Variants in HOMER1 observed in about 807,000 individuals in gnomAD.
The protein encoded by HOMER1 is homer scaffold protein 1.
Under a neutral mutation model 48.9 loss-of-function variants are expected in HOMER1, and 3 were observed. The ratio of observed to expected loss-of-function variants is 0.06; its 90% CI spans 0.03 to 0.16. The LOEUF is 0.16. Among genes scored for constraint, HOMER1 ranks in the 10% least tolerant of loss-of-function variants. The pLI is 1.00. For synonymous variants in HOMER1, 134 were observed against 146.4 expected, an observed-to-expected ratio of 0.92 and a Z score of 0.61; for missense variants, 247 against 411.4, an observed-to-expected ratio of 0.60 and a Z score of 3.46.
At chr5:79,504,016 C>T (rs921762417) in intron 1 of HOMER1, among the ~76,000 whole-genome samples, 1 of 152,182 alleles carries the variant, frequency 6.6e-6, no homozygotes, top group Non-Finnish European at 1.5e-5. Context: ...TCTATTTCCA[C>T]TATACTAACA....
chr5:79,425,256 A>T (rs1190422876), intron 5 of HOMER1, among the ~76,000 whole-genome samples: 2 of 152,034 alleles, frequency 1.3e-5, no homozygotes, highest in Non-Finnish European at 2.9e-5. Context: ...GTAGGAAAAA[A>T]AAAAAATCTA....
intron 8 of HOMER1, among the ~76,000 whole-genome samples, chr5:79,380,350 A>G (rs968752995): frequency 6.6e-6 from 1 of 152,162 alleles, no homozygotes; most frequent in Non-Finnish European, 1.5e-5. Context: ...CCCACCTCCA[A>G]TAAACTGCAG....
chr5:79,380,614 C>T (rs1044336671), intron 8 of HOMER1, among the ~76,000 whole-genome samples: 10 of 152,194 alleles, frequency 6.6e-5, no homozygotes, highest in East Asian at 5.8e-4. Context: ...GGGATTGCCC[C>T]GCCCCTACCT....
chr5:79,507,142 G>A (rs1752796572), intron 1 of HOMER1, among the ~76,000 whole-genome samples: 3 of 148,922 alleles, frequency 2.0e-5, no homozygotes, highest in African/African-American at 7.4e-5. Context: ...GAACCCGGGA[G>A]GCGGAGGTTG....
intron 5 of HOMER1, among the ~76,000 whole-genome samples, chr5:79,432,901 C>G (rs1377708902): frequency 6.6e-6 from 1 of 152,066 alleles, no homozygotes; most frequent in East Asian, 1.9e-4. Context: ...ATATTCCTTG[C>G]CTTCAAATTA....
intron 5 of HOMER1, among the ~76,000 whole-genome samples, chr5:79,408,738 C>T (rs1749735272): frequency 6.6e-6 from 1 of 152,108 alleles, no homozygotes; most frequent in Non-Finnish European, 1.5e-5. Context: ...ATTAAAAAAA[C>T]TGATCACAGG....
At chr5:79,493,174 T>A (rs1284730762) in intron 1 of HOMER1, among the ~76,000 whole-genome samples, 1 of 152,100 alleles carries the variant, frequency 6.6e-6, no homozygotes, top group Non-Finnish European at 1.5e-5. Context: ...TGTCTCAGCC[T>A]CCCAAAGTGC....
chr5:79,442,995 C>T (rs955439533), intron 4 of HOMER1, among the ~76,000 whole-genome samples: 11 of 152,148 alleles, frequency 7.2e-5, no homozygotes, highest in South Asian at 6.2e-4. Flanking sequence ...GCTCTTCCTT[C>T]GCTATGTAAA....
intron 2 of HOMER1, 52 bp downstream of exon 2, chr5:79,456,810 C>G: frequency 6.6e-7 from 1 of 1,526,160 alleles, no homozygotes; most frequent in Non-Finnish European, 9.0e-7. Flanking sequence ...ACTAAAATGT[C>G]ATACTGAAAA....
chr5:79,496,807 G>C (rs1346096461), intron 1 of HOMER1, among the ~76,000 whole-genome samples: 1 of 152,120 alleles, frequency 6.6e-6, no homozygotes, highest in Non-Finnish European at 1.5e-5. Flanking sequence ...GCTCATGCCT[G>C]TAATTCCAGC....
At chr5:79,429,314 G>A (rs28870409) in intron 5 of HOMER1, among the ~76,000 whole-genome samples, 40,235 of 152,136 alleles carry the variant, frequency 0.26, 5,455 homozygotes, top group South Asian at 0.37. Flanking sequence ...GGCAGAGGTT[G>A]CAGTGAGCCA....
At chr5:79,509,310 A>T (rs73770441) in intron 1 of HOMER1, among the ~76,000 whole-genome samples, 2,205 of 152,346 alleles carry the variant, frequency 0.014, 47 homozygotes, top group African/African-American at 0.05. Flanking sequence ...GTAGCTCTTA[A>T]TAAGGGAAGG....
At chr5:79,442,783 G>A (rs1750770523) in intron 4 of HOMER1, among the ~76,000 whole-genome samples, 1 of 152,144 alleles carries the variant, frequency 6.6e-6, no homozygotes, top group Non-Finnish European at 1.5e-5. Context: ...TAATAGTCTT[G>A]AGATCCCATG....
chr5:79,410,920 A>G (rs1749799067), intron 5 of HOMER1, among the ~76,000 whole-genome samples: 1 of 152,184 alleles, frequency 6.6e-6, no homozygotes, highest in East Asian at 1.9e-4. Flanking sequence ...TTTTACCTTA[A>G]GAGAGCTGTT....
At chr5:79,501,982 G>C (rs953368166) in intron 1 of HOMER1, among the ~76,000 whole-genome samples, 1 of 150,646 alleles carries the variant, frequency 6.6e-6, no homozygotes, top group Non-Finnish European at 1.5e-5. Context: ...ACAAATATAT[G>C]TAAGTATCTA....
chr5:79,503,933 A>G (rs942812405), intron 1 of HOMER1, among the ~76,000 whole-genome samples: 3 of 152,184 alleles, frequency 2.0e-5, no homozygotes, highest in Non-Finnish European at 2.9e-5. Flanking sequence ...ACACAGTTCA[A>G]ACCTGTGTTG....
chr5:79,399,720 T>C (rs1382063660), intron 6 of HOMER1, among the ~76,000 whole-genome samples: 1 of 152,128 alleles, frequency 6.6e-6, no homozygotes, highest in Non-Finnish European at 1.5e-5. Context: ...TCATTTGCAA[T>C]GTCCAATACA....
At chr5:79,486,632 T>C (rs1247025153) in intron 1 of HOMER1, among the ~76,000 whole-genome samples, 1 of 152,180 alleles carries the variant, frequency 6.6e-6, no homozygotes, top group Non-Finnish European at 1.5e-5. Context: ...CAGAGCAGTT[T>C]AGTGACCTAC....
At chr5:79,425,233 G>C (rs73120371) in intron 5 of HOMER1, among the ~76,000 whole-genome samples, 3,471 of 151,822 alleles carry the variant, frequency 0.023, 137 homozygotes, top group African/African-American at 0.08. Context: ...AAGGGAAACT[G>C]GCTGTCTCCG....
Sources: allele counts gnomAD v4.1 joint callset (sites outside exome capture counted in the v4.1 genomes callset), GRCh38; gene constraint gnomAD v4.1.1; transcripts MANE v1.5; gene names NCBI Gene and HGNC (gene_info 2026-07-23, HGNC 2026-07-21).